The following IKZF1 variants were observed in gnomAD, a reference collection of about 807,000 sequenced individuals.
IKZF1 encodes DNA-binding protein Ikaros.
In IKZF1, 10 loss-of-function variants were observed where a neutral mutation model predicts 51.7. The observed-to-expected ratio is 0.19, with a 90% confidence interval of 0.12 to 0.33. The LOEUF is 0.33. Among genes scored for constraint, IKZF1 ranks in the 10% least tolerant of loss-of-function variants. The probability of loss-of-function intolerance (pLI) is 1.00; values close to 1 mark genes in which losing one functional copy is unlikely to be tolerated. For synonymous variants in IKZF1, 280 were observed against 282.3 expected, an observed-to-expected ratio of 0.99 and a Z score of 0.08; for missense variants, 484 against 707.5, an observed-to-expected ratio of 0.68 and a Z score of 3.58.
At chr7:50,344,868 TAAAAG>T (rs1799966475) in intron 3 of IKZF1, among the ~76,000 whole-genome samples, 1 of 151,950 alleles carries the variant, frequency 6.6e-6, no homozygotes, top group Non-Finnish European at 1.5e-5. Context: ...TGAAAATACT[TAAAAG>T]GGAAAGGAGC....
At chr7:50,321,854 G>A (rs562970508) in intron 2 of IKZF1, among the ~76,000 whole-genome samples, 13 of 152,276 alleles carry the variant, frequency 8.5e-5, no homozygotes, top group Non-Finnish European at 1.3e-4. Flanking sequence ...AAAGGATAGG[G>A]TAGCTGGGGG....
chr7:50,343,026 TCTTC>T (rs201199681), intron 3 of IKZF1, among the ~76,000 whole-genome samples: 2,492 of 152,146 alleles, frequency 0.016, 70 homozygotes, highest in African/African-American at 0.056. Flanking sequence ...CTGTCTTTCT[TCTTC>T]CTTCCTTCCT....
chr7:50,354,588 G>A (rs566323220), intron 3 of IKZF1, among the ~76,000 whole-genome samples: 1 of 152,320 alleles, frequency 6.6e-6, no homozygotes, highest in South Asian at 2.1e-4. Context: ...TTTTTTAAGA[G>A]AGAACAAAAA....
At chr7:50,369,500 C>T (rs1759656181) in intron 3 of IKZF1, 1 of 398,444 alleles carries the variant, frequency 2.5e-6, no homozygotes, top group South Asian at 1.3e-4. Flanking sequence ...TGGTGTCTCT[C>T]TTTCTCTCCC....
At chr7:50,391,244 C>T (rs1471992775) in intron 6 of IKZF1, among the ~76,000 whole-genome samples, 1 of 152,188 alleles carries the variant, frequency 6.6e-6, no homozygotes, top group Non-Finnish European at 1.5e-5. Context: ...TTTTCCTCCA[C>T]ATTGCCCAGA....
chr7:50,308,336 T>G (rs867617886), intron 1 of IKZF1, among the ~76,000 whole-genome samples: 1 of 152,230 alleles, frequency 6.6e-6, no homozygotes, highest in Non-Finnish European at 1.5e-5. Flanking sequence ...TTGACGTTTT[T>G]CCCTCTCATG....
At chr7:50,309,664 TTTAGA>T (rs1370838892) in intron 1 of IKZF1, among the ~76,000 whole-genome samples, 2 of 152,210 alleles carry the variant, frequency 1.3e-5, no homozygotes, top group African/African-American at 2.4e-5. Context: ...AACAATGTGG[TTTAGA>T]TTAGAGTCCT....
upstream of IKZF1, among the ~76,000 whole-genome samples, chr7:50,303,591 G>A (rs572054693): frequency 3.3e-5 from 5 of 152,212 alleles, no homozygotes; most frequent in African/African-American, 1.2e-4. The surrounding 1 kb of genome is among the most constrained non-coding windows in gnomAD (Gnocchi z 4.7). Flanking sequence ...CCTCCCTTGC[G>A]GAGGATCAAC....
chr7:50,400,585 G>T lies in IKZF1; in HGVS notation c.1518G>T (p.Ser506=). ...GYHSQDRYEF[S]SHITRGEHRF... ...ACAGCCAGGACCGGTACGAGTTCTC[G>T]TCGCACATAACGCGAGGGGAGCACC... The change falls in exon 8 of 8, where the codon TCG becomes TCT. Residue 506 remains serine, a synonymous_variant. Coordinates refer to ENST00000331340, the MANE Select transcript of IKZF1 (RefSeq NM_006060.6). The surrounding 1 kb of genome is among the most constrained non-coding windows in gnomAD (Gnocchi z 5.4). 1 of 1,613,180 alleles carries T rather than the reference G, an allele frequency of 6.2e-7. No homozygotes were observed.
intron 3 of IKZF1, among the ~76,000 whole-genome samples, chr7:50,361,110 A>G (rs960744761): frequency 5.3e-5 from 8 of 152,150 alleles, no homozygotes; most frequent in Admixed American, 2.0e-4. Context: ...GAGCCTTCCT[A>G]TCTAATCATT....
At chr7:50,321,011 T>A (rs1449549395) in intron 2 of IKZF1, among the ~76,000 whole-genome samples, 1 of 152,224 alleles carries the variant, frequency 6.6e-6, no homozygotes, top group Non-Finnish European at 1.5e-5. Context: ...ATAGCATGGT[T>A]CTGGATGGTA....
chr7:50,344,653 C>A (rs1799906132), intron 3 of IKZF1, among the ~76,000 whole-genome samples: 1 of 152,204 alleles, frequency 6.6e-6, no homozygotes, highest in African/African-American at 2.4e-5. Context: ...AAGTTCCTTG[C>A]AGGCAGGTAC....
intron 3 of IKZF1, among the ~76,000 whole-genome samples, chr7:50,370,837 T>C (rs1251326781): frequency 6.6e-6 from 1 of 152,140 alleles, no homozygotes; most frequent in African/African-American, 2.4e-5. Flanking sequence ...TTCTAAGTAA[T>C]GGGGTGGGGG....
rs1818175147 is a variant in IKZF1, at chr7:50,401,818, C to T, written c.*1191C>T. Reference sequence around the variant, plus strand: ...ATGAAATATGTGAAGCCCAGCATCTCTGTTGCTAACACACAGAGCTCACCT... The same window carrying T: ...ATGAAATATGTGAAGCCCAGCATCTTTGTTGCTAACACACAGAGCTCACCT... On this transcript the variant is annotated 3_prime_UTR_variant, in exon 8 of 8. Transcript: ENST00000331340. 4.5e-6 allele frequency: 1 copy of T among 223,504 alleles called. No homozygotes were observed. Among genetic ancestry groups the T allele is most frequent in the Non-Finnish European group, 8.9e-6 (1 of 111,878 alleles). 13.8% of individuals were successfully genotyped at this position (223,504 alleles called of 1,614,324 possible).
chr7:50,351,576 G>T (rs1477298017), intron 3 of IKZF1, among the ~76,000 whole-genome samples: 1 of 152,188 alleles, frequency 6.6e-6, no homozygotes, highest in Non-Finnish European at 1.5e-5. Flanking sequence ...GAAGTAAAAT[G>T]TGCTGCCCTG....
At chr7:50,338,095 A>C (rs1019382461) in intron 3 of IKZF1, among the ~76,000 whole-genome samples, 1 of 152,154 alleles carries the variant, frequency 6.6e-6, no homozygotes. Flanking sequence ...TTAAAAAAAA[A>C]CTATAGAGAA....
chr7:50,364,835 TGGTGAAG>T (rs1215850949), intron 3 of IKZF1, among the ~76,000 whole-genome samples: 2 of 152,202 alleles, frequency 1.3e-5, no homozygotes, highest in Non-Finnish European at 2.9e-5. Context: ...CCTGGATGTG[TGGTGAAG>T]GGTGCCAGGC....
chr7:50,396,159 A>G (rs1816653463), intron 7 of IKZF1, among the ~76,000 whole-genome samples: 1 of 151,850 alleles, frequency 6.6e-6, no homozygotes, highest in Non-Finnish European at 1.5e-5. Flanking sequence ...TGTTCCATCT[A>G]TTGTGATCTC....
intron 3 of IKZF1, among the ~76,000 whole-genome samples, chr7:50,367,102 A>G (rs771105222): frequency 2.6e-5 from 4 of 152,236 alleles, no homozygotes; most frequent in African/African-American, 7.2e-5. Flanking sequence ...TTATTTCCCA[A>G]TAATTTCATG....
Sources: gnomAD v4.1 joint callset for allele counts (sites outside exome capture counted in the v4.1 genomes callset) on GRCh38, gnomAD v4.1.1 for gene constraint, Gnocchi (gnomAD v3.1) non-coding constraint, MANE v1.5 for transcripts, NCBI Gene and HGNC (gene_info 2026-07-23, HGNC 2026-07-21) for gene names.